Variants in MYO6 observed in about 807,000 individuals in gnomAD.
MYO6 encodes the protein unconventional myosin-VI.
A neutral mutation model predicts 178.7 loss-of-function variants in MYO6; 74 were observed. The observed-to-expected ratio is 0.41, with a 90% CI of 0.34 to 0.50. MYO6 has a LOEUF of 0.50. MYO6 is among the 20% of genes least tolerant of loss of function. The probability of loss-of-function intolerance (pLI) is 0.09; values close to 1 mark genes in which losing one functional copy is unlikely to be tolerated. For missense variants in MYO6, 1,330 were observed against 1,547.4 expected (o/e 0.86, Z 2.36); for synonymous variants, 477 against 504.6 (o/e 0.95, Z 0.73).
chr6:75,781,150 T>C (rs1402112023), intron 1 of MYO6, among the ~76,000 whole-genome samples: 3 of 152,004 alleles, frequency 2.0e-5, no homozygotes, highest in Admixed American at 2.0e-4. Context: ...GCCTTGGGCA[T>C]CTAAAAGGTC....
rs12207159 is a variant in MYO6 at position 75,843,059 on chromosome 6, C to G, written c.816+1681C>G. On this transcript the variant is annotated intron_variant, in intron 9 of 34. Coordinates refer to ENST00000369977, the MANE Select transcript of MYO6 (RefSeq NM_004999.4). The stretch of plus-strand genomic sequence containing the variant: ...TACATCTGCCATCTTGAATATTCCT[C>G]TCATATGCAGGCACAACACACCCAC... Among the ~76,000 whole-genome samples the G allele has an allele frequency of 4.6e-5, 7 of 152,238 alleles. No individual in the cohort carries two copies. In the South Asian group the frequency reaches 1.5e-3, roughly 32 times the overall value.
chr6:75,795,043 T>G (rs1296710984), intron 1 of MYO6, among the ~76,000 whole-genome samples: 1 of 152,254 alleles, frequency 6.6e-6, no homozygotes, highest in Non-Finnish European at 1.5e-5. Flanking sequence ...ATAATCACTG[T>G]GTAATTAATT....
At chr6:75,820,115 C>T (rs867979159) in intron 2 of MYO6, among the ~76,000 whole-genome samples, 5 of 152,186 alleles carry the variant, frequency 3.3e-5, no homozygotes, top group South Asian at 2.1e-4. Context: ...GGTAAGAAGC[C>T]GCTCTGAAGC....
At chr6:75,751,240 A>G (rs1467577521) in intron 1 of MYO6, among the ~76,000 whole-genome samples, 1 of 152,226 alleles carries the variant, frequency 6.6e-6, no homozygotes, top group Non-Finnish European at 1.5e-5. Context: ...TTTGGTAAAC[A>G]GAAGTCATTT....
In MYO6 at chr6:75,859,667, C is replaced by CTT. The variant is rs34957875; in HGVS notation, c.1473+691_1473+692dup. 1.8e-3 allele frequency among the ~76,000 whole-genome samples: 210 copies of CTT among 118,286 alleles called. 8 individuals carry two copies. The highest frequency in any genetic ancestry group is 5.3e-3 in the Middle Eastern group (1 of 188). 77.6% of individuals were successfully genotyped at this position (118,286 alleles called of 152,430 possible). A position where few individuals can be genotyped will look rare whatever the true frequency, so the allele number is the denominator to read the frequency against. Reference sequence around the variant, plus strand: ...ATCCCTGCCTTTGGCATCTCCCACTCTTTTTTTTTTTTTTTTTTGAGACGA... The same window carrying CTT: ...ATCCCTGCCTTTGGCATCTCCCACTCTTTTTTTTTTTTTTTTTTTTGAGACGA... On this transcript the variant is annotated intron_variant, in intron 14 of 34. Transcript: ENST00000369977.
intron 1 of MYO6, among the ~76,000 whole-genome samples, chr6:75,749,748 T>G (rs1019480362): frequency 6.6e-6 from 1 of 152,224 alleles, no homozygotes; most frequent in African/African-American, 2.4e-5. Context: ...CGTGATAGTT[T>G]TATTTTCTCT....
intron 30 of MYO6, among the ~76,000 whole-genome samples, chr6:75,905,029 A>C (rs544337225): frequency 6.6e-6 from 1 of 152,084 alleles, no homozygotes; most frequent in African/African-American, 2.4e-5. Context: ...CCTCCCAGTT[A>C]GGCTGCTTAG....
At chr6:75,753,501 C>T (rs1777079712) in intron 1 of MYO6, among the ~76,000 whole-genome samples, 1 of 149,794 alleles carries the variant, frequency 6.7e-6, no homozygotes, top group Non-Finnish European at 1.5e-5. Context: ...GACAGAGTCT[C>T]ATTCATGCCA....
rs377254235 is a variant in MYO6 at position 75,866,508 on chromosome 6, A to G, written c.1675-18A>G. 86 of 1,558,806 alleles carry G rather than the reference A, an allele frequency of 5.5e-5. No homozygotes were observed. In the African/African-American group the frequency reaches 1.1e-3, roughly 20 times the overall value. ...TATTTTTGATCATTTAATAACTCAT[A>G]TATGTATTGTTTTTCAGATTCCCAG... On this transcript the variant is annotated intron_variant, in intron 16 of 34. Transcript: ENST00000369977.
intron 12 of MYO6, among the ~76,000 whole-genome samples, chr6:75,855,747 A>G (rs1200001864): frequency 6.6e-6 from 1 of 152,158 alleles, no homozygotes; most frequent in Non-Finnish European, 1.5e-5. Flanking sequence ...AAAAATCAGT[A>G]ACCAAGAACT....
At chr6:75,853,003 A>C (rs557085171) in intron 11 of MYO6, among the ~76,000 whole-genome samples, 3 of 152,152 alleles carry the variant, frequency 2.0e-5, no homozygotes, top group Admixed American at 1.3e-4. Flanking sequence ...TATCCTCACC[A>C]GTACTATGTG....
intron 9 of MYO6, 53 bp downstream of exon 9, chr6:75,841,431 G>A: frequency 1.9e-6 from 3 of 1,546,914 alleles, no homozygotes; most frequent in Non-Finnish European, 1.8e-6. Flanking sequence ...GCTCATGCCT[G>A]TAATCCCAAC....
At chr6:75,791,914 G>A (rs563565604) in intron 1 of MYO6, among the ~76,000 whole-genome samples, 2 of 151,942 alleles carry the variant, frequency 1.3e-5, no homozygotes, top group East Asian at 1.9e-4. Context: ...TTATTAAAAC[G>A]CAGAATTTTT....
chr6:75,828,461 T>C, intron 3 of MYO6, 79 bp from the exon 4 acceptor site: 1 of 880,402 alleles, frequency 1.1e-6, no homozygotes, highest in Non-Finnish European at 1.9e-6. Flanking sequence ...TGAGTCAAAG[T>C]GATTCAGATT....
At chr6:75,764,674 G>A (rs1010470201) in intron 1 of MYO6, among the ~76,000 whole-genome samples, 3 of 152,002 alleles carry the variant, frequency 2.0e-5, no homozygotes, top group East Asian at 1.9e-4. Context: ...TGAAGACTGC[G>A]TATTTTGTTT....
At chr6:75,892,722 C>T in intron 28 of MYO6, 32 bp downstream of exon 28, 1 of 1,609,564 alleles carries the variant, frequency 6.2e-7, no homozygotes, top group Non-Finnish European at 8.5e-7. Context: ...GTATAGCGCT[C>T]TCTCCTTTGC....
intron 6 of MYO6, 27 bp downstream of exon 6, chr6:75,832,974 T>C (rs1424788461): frequency 6.8e-7 from 1 of 1,475,426 alleles, no homozygotes; most frequent in Non-Finnish European, 9.5e-7. Context: ...CTTGAAGTAT[T>C]TGAGTAGGTT....
chr6:75,853,347 A>C lies in MYO6; in HGVS notation c.1079-1792A>C, dbSNP rs1775448995. ...CAAATTTTTATTTCAGTGAAGCCTAATTTATCTGTTTTTTCTTTTATTGCT... is the reference window on the plus strand; with the variant it reads ...CAAATTTTTATTTCAGTGAAGCCTACTTTATCTGTTTTTTCTTTTATTGCT... On this transcript the variant is annotated intron_variant, in intron 11 of 34. Coordinates refer to ENST00000369977, the MANE Select transcript of MYO6 (RefSeq NM_004999.4). 3.9e-5 allele frequency among the ~76,000 whole-genome samples: 6 copies of C among 152,162 alleles called. No homozygotes were observed. The Middle Eastern group carries it at 0.01, about 259-fold the overall frequency.
chr6:75,759,524 G>GA (rs2084372309), intron 1 of MYO6, among the ~76,000 whole-genome samples: 1 of 151,926 alleles, frequency 6.6e-6, no homozygotes, highest in South Asian at 2.1e-4. Context: ...CTCTTCCTCC[G>GA]AGTCTCCACC....
Sources: gnomAD v4.1 joint callset for allele counts (sites outside exome capture counted in the v4.1 genomes callset) on GRCh38, gnomAD v4.1.1 for gene constraint, MANE v1.5 for transcripts, NCBI Gene and HGNC (gene_info 2026-07-23, HGNC 2026-07-21) for gene names.